Variants in SMYD3 observed in about 807,000 individuals in gnomAD.
The protein encoded by SMYD3 is histone-lysine N-methyltransferase SMYD3.
In SMYD3, 36 loss-of-function variants were observed where a neutral mutation model predicts 57.7. The ratio of observed to expected loss-of-function variants is 0.62; its 90% CI spans 0.48 to 0.82. The LOEUF (loss-of-function observed/expected upper bound fraction) is 0.82. Among genes scored for constraint, SMYD3 ranks in the 40% least tolerant of loss-of-function variants. The pLI, the probability that SMYD3 is intolerant of heterozygous loss-of-function variation, is 0.00. For synonymous variants in SMYD3, 211 were observed against 195.0 expected (o/e 1.08, Z -0.68); for missense variants, 515 against 538.8 (o/e 0.96, Z 0.44).
intron 5 of SMYD3, among the ~76,000 whole-genome samples, chr1:245,964,196 T>G (rs937751846): frequency 1.3e-5 from 2 of 152,042 alleles, no homozygotes; most frequent in African/African-American, 4.8e-5. Context: ...TTGTGTGAAC[T>G]AACAGAGCAA....
At position 246,081,860 on chromosome 1, in the gene SMYD3, T is replaced by C. The variant is rs147356256; in HGVS notation, c.532-151923A>G. 9.3e-3 allele frequency among the ~76,000 whole-genome samples: 1,412 copies of C among 152,232 alleles called. 26 individuals are homozygous for C. The highest frequency in any genetic ancestry group is 0.033 in the African/African-American group (1,358 of 41,536). On this transcript the variant is annotated intron_variant, in intron 5 of 11. Transcript: ENST00000490107. ...GATTGCTTGAGGCCTGGATTAACAC[T>C]CCAAGACCTCATCTCTACAAAAAAA...
intron 10 of SMYD3, among the ~76,000 whole-genome samples, chr1:245,804,624 A>C (rs1572384296): frequency 1.3e-5 from 2 of 152,180 alleles, no homozygotes. Context: ...GGCCTTTGGG[A>C]ACTGATTAAG....
intron 5 of SMYD3, among the ~76,000 whole-genome samples, chr1:246,225,066 G>C (rs978095500): frequency 6.6e-6 from 1 of 151,440 alleles, no homozygotes; most frequent in African/African-American, 2.4e-5. Flanking sequence ...TTAGTATATT[G>C]GCATCAAAGA....
At position 246,355,130 on chromosome 1, in the gene SMYD3, G is replaced by A. The variant is rs1295598532; in HGVS notation, c.165-36C>T. On this transcript the variant is annotated intron_variant, in intron 1 of 11. Transcript: ENST00000490107. The surrounding 1 kb of genome is among the most constrained non-coding windows in gnomAD (Gnocchi z 5.0). ...AAAAATTAATTCTGCATTAAGAAAT[G>A]AGTGGGAAACATAGTACATAGTTGA... is the stretch of plus-strand genomic sequence containing the variant. The A allele has an allele frequency of 6.3e-7, 1 of 1,594,580 alleles. No individual in the cohort carries two copies. The highest frequency in any genetic ancestry group is 8.6e-7 in the Non-Finnish European group (1 of 1,162,362).
chr1:245,878,334 C>T (rs770662557), intron 8 of SMYD3, among the ~76,000 whole-genome samples: 16 of 151,982 alleles, frequency 1.1e-4, no homozygotes, highest in Non-Finnish European at 1.9e-4. Context: ...TCAGTGGACA[C>T]GGAAAGGCAG....
At chr1:245,973,862 G>A (rs74395197) in intron 5 of SMYD3, among the ~76,000 whole-genome samples, 2 of 152,174 alleles carry the variant, frequency 1.3e-5, no homozygotes, top group African/African-American at 2.4e-5. Context: ...ATTCGGAAAC[G>A]TAAATGTCCA....
In SMYD3 at chr1:246,218,229, T is replaced by TA. The variant is rs58264750; in HGVS notation, c.531+108971dup. The stretch of plus-strand genomic sequence containing the variant: ...TTTCAATACATACAAGAAAACCTGT[T>TA]AAAAAAAAAGCCAGTGAAAGGAACA... On this transcript the variant is annotated intron_variant, in intron 5 of 11. Coordinates refer to ENST00000490107, the MANE Select transcript of SMYD3 (RefSeq NM_001167740.2). Among the ~76,000 whole-genome samples, 74 of 150,390 alleles carry TA rather than the reference T, an allele frequency of 4.9e-4. 2 individuals carry two copies. The highest frequency in any genetic ancestry group is 1.4e-3 in the East Asian group (7 of 5,114).
chr1:245,852,383 C>T (rs1471204621), intron 10 of SMYD3, among the ~76,000 whole-genome samples: 4 of 152,186 alleles, frequency 2.6e-5, no homozygotes, highest in African/African-American at 9.7e-5. Context: ...TTTACCCAAA[C>T]GTACAGGTGG....
chr1:246,379,580 T>C (rs993672090), intron 1 of SMYD3, among the ~76,000 whole-genome samples: 2 of 152,224 alleles, frequency 1.3e-5, no homozygotes, highest in African/African-American at 4.8e-5. Flanking sequence ...GTTGAAGTTA[T>C]TCGCAGAAGT....
intron 5 of SMYD3, among the ~76,000 whole-genome samples, chr1:246,133,267 C>A (rs2148075226): frequency 6.6e-6 from 1 of 151,912 alleles, no homozygotes; most frequent in African/African-American, 2.4e-5. Flanking sequence ...TTAAATGAAC[C>A]CACGGCATGA....
At chr1:245,784,625 T>C (rs753583170) in intron 10 of SMYD3, among the ~76,000 whole-genome samples, 1 of 152,110 alleles carries the variant, frequency 6.6e-6, no homozygotes, top group Non-Finnish European at 1.5e-5. Flanking sequence ...TGGCCTCTCC[T>C]TTTAGGTTCT....
chr1:245,841,567 C>G (rs61830168), intron 10 of SMYD3, among the ~76,000 whole-genome samples: 1 of 151,782 alleles, frequency 6.6e-6, no homozygotes, highest in African/African-American at 2.4e-5. Context: ...TCTAAACGGA[C>G]GGAAACACAA....
At chr1:245,936,849 C>T (rs1271573725) in intron 5 of SMYD3, among the ~76,000 whole-genome samples, 2 of 151,762 alleles carry the variant, frequency 1.3e-5, no homozygotes, top group Non-Finnish European at 2.9e-5. Context: ...TGACTGTCCC[C>T]GCCACAAAAA....
intron 5 of SMYD3, among the ~76,000 whole-genome samples, chr1:246,249,521 T>G (rs1296990929): frequency 7.4e-5 from 7 of 94,030 alleles, no homozygotes; most frequent in Admixed American, 1.3e-4. Context: ...TAGTTTTTTG[T>G]TTTTTTTGTA....
At chr1:245,900,333 A>AATGACATCATTT (rs1164487090) in intron 8 of SMYD3, among the ~76,000 whole-genome samples, 2 of 152,184 alleles carry the variant, frequency 1.3e-5, no homozygotes, top group Admixed American at 6.5e-5. Context: ...CAACAAAGTA[A>AATGACATCATTT]ATGACATCAT....
At chr1:246,213,294 G>A (rs1227230221) in intron 5 of SMYD3, among the ~76,000 whole-genome samples, 3 of 152,082 alleles carry the variant, frequency 2.0e-5, no homozygotes, top group African/African-American at 2.4e-5. Flanking sequence ...ACAGCAGCAT[G>A]TATGTTAATA....
intron 5 of SMYD3, among the ~76,000 whole-genome samples, chr1:245,966,807 G>A (rs1028420329): frequency 7.9e-5 from 12 of 152,082 alleles, no homozygotes; most frequent in Non-Finnish European, 1.6e-4. Context: ...ATTCAAGGCT[G>A]TAGGGAGTAC....
At chr1:246,123,020 G>GCT (rs1262706583) in intron 5 of SMYD3, among the ~76,000 whole-genome samples, 8 of 152,130 alleles carry the variant, frequency 5.3e-5, no homozygotes, top group African/African-American at 1.9e-4. Flanking sequence ...ACCTTATAGA[G>GCT]CTAAAGAGAA....
At chr1:246,033,619 T>G (rs2059717517) in intron 5 of SMYD3, among the ~76,000 whole-genome samples, 2 of 152,008 alleles carry the variant, frequency 1.3e-5, no homozygotes, top group Admixed American at 6.6e-5. Flanking sequence ...AAACCCCATC[T>G]CCATTAAAAA....
Sources: gnomAD v4.1 joint callset for allele counts (sites outside exome capture counted in the v4.1 genomes callset) on GRCh38, gnomAD v4.1.1 for gene constraint, Gnocchi (gnomAD v3.1) non-coding constraint, MANE v1.5 for transcripts, NCBI Gene and HGNC (gene_info 2026-07-23, HGNC 2026-07-21) for gene names.